The following TENM3 variants were observed in gnomAD, a reference collection of about 807,000 sequenced individuals.
TENM3 encodes the protein teneurin-3.
TENM3 carries 63 observed loss-of-function variants against 255.1 expected under a neutral mutation model. That is an observed-to-expected ratio of 0.25 (90% CI 0.20 to 0.30). The LOEUF is 0.30. Among genes scored for constraint, TENM3 ranks in the 10% least tolerant of loss-of-function variants. The pLI, the probability that TENM3 is intolerant of heterozygous loss-of-function variation, is 1.00. For synonymous variants in TENM3, 1,306 were observed against 1,322.3 expected (o/e 0.99, Z 0.27); for missense variants, 2,929 against 3,461.1 (o/e 0.85, Z 3.86).
At chr4:181,449,096 G>T in the TENM3 span, among the ~76,000 whole-genome samples, 22 of 152,036 alleles carry the variant, frequency 1.4e-4, no homozygotes, top group African/African-American at 4.1e-4. Context: ...CATTTTATAG[G>T]TATTACATAT....
chr4:182,172,134 G>A (rs912077187), intron 1 of TENM3, among the ~76,000 whole-genome samples: 2 of 151,714 alleles, frequency 1.3e-5, no homozygotes, highest in African/African-American at 2.4e-5. Context: ...AATGTCTGTC[G>A]TGTTGTACAT....
intron 3 of TENM3, among the ~76,000 whole-genome samples, chr4:182,470,117 A>G (rs748991503): frequency 6.6e-6 from 1 of 152,180 alleles, no homozygotes; most frequent in Non-Finnish European, 1.5e-5. Context: ...TATATGCTGT[A>G]GAAACTGGCT....
intron 12 of TENM3, among the ~76,000 whole-genome samples, chr4:182,711,383 A>C (rs973734212): frequency 6.6e-6 from 1 of 152,204 alleles, no homozygotes; most frequent in Admixed American, 6.5e-5. Flanking sequence ...ATTTGCTGGA[A>C]TCATGACTAC....
At chr4:181,771,723 T>C in the TENM3 span, among the ~76,000 whole-genome samples, 2 of 152,192 alleles carry the variant, frequency 1.3e-5, no homozygotes, top group African/African-American at 2.4e-5. Context: ...CAGATTCTGG[T>C]TAAGTAGTTT....
the TENM3 span, among the ~76,000 whole-genome samples, chr4:182,088,610 G>A: frequency 6.6e-6 from 1 of 151,972 alleles, no homozygotes; most frequent in Non-Finnish European, 1.5e-5. Context: ...CGAGGCGGGC[G>A]GATCACGAGG....
intron 3 of TENM3, among the ~76,000 whole-genome samples, chr4:182,559,709 C>T (rs992978647): frequency 5.3e-5 from 8 of 152,028 alleles, no homozygotes; most frequent in Admixed American, 3.3e-4. Context: ...ATTTCATTCA[C>T]AGTTTCTTTA....
At chr4:181,672,902 C>T in the TENM3 span, among the ~76,000 whole-genome samples, 1 of 152,170 alleles carries the variant, frequency 6.6e-6, no homozygotes, top group Non-Finnish European at 1.5e-5. Flanking sequence ...GGCTGGCACC[C>T]TAGCTGAGGA....
At chr4:182,106,866 G>A in the TENM3 span, among the ~76,000 whole-genome samples, 1 of 152,156 alleles carries the variant, frequency 6.6e-6, no homozygotes, top group Admixed American at 6.5e-5. Flanking sequence ...TCAGCTCATG[G>A]GACACCAAGG....
the TENM3 span, among the ~76,000 whole-genome samples, chr4:181,483,704 G>A: frequency 6.6e-6 from 1 of 152,020 alleles, no homozygotes; most frequent in African/African-American, 2.4e-5. Context: ...AAATGCCAGG[G>A]TAGGTAAATT....
intron 13 of TENM3, among the ~76,000 whole-genome samples, chr4:182,720,722 G>A (rs1316369188): frequency 6.6e-6 from 1 of 151,152 alleles, no homozygotes; most frequent in East Asian, 1.9e-4. Context: ...TTTAGAAGAA[G>A]AGGAAAATCA....
chr4:182,042,905 GTGTA>G, the TENM3 span, among the ~76,000 whole-genome samples: 1 of 146,340 alleles, frequency 6.8e-6, no homozygotes, highest in African/African-American at 2.6e-5. Context: ...GTGTGTGTGT[GTGTA>G]TGAAGCTGAC....
At chr4:182,351,959 CTTA>C (rs1765210600) in intron 3 of TENM3, among the ~76,000 whole-genome samples, 1 of 151,964 alleles carries the variant, frequency 6.6e-6, no homozygotes, top group South Asian at 2.1e-4. Flanking sequence ...AGTGTGTGCC[CTTA>C]TTATTATTTG....
chr4:181,832,016 G>A, the TENM3 span, among the ~76,000 whole-genome samples: 5 of 138,438 alleles, frequency 3.6e-5, no homozygotes, highest in African/African-American at 1.3e-4. Context: ...GTGTGTGTGT[G>A]TATAAAATGT....
chr4:181,860,846 A>T, the TENM3 span, among the ~76,000 whole-genome samples: 3 of 152,202 alleles, frequency 2.0e-5, no homozygotes, highest in Non-Finnish European at 2.9e-5. Flanking sequence ...TGCAGATCAC[A>T]TTATGTTTAT....
chr4:182,524,584 C>T (rs910833644), intron 3 of TENM3, among the ~76,000 whole-genome samples: 2 of 151,722 alleles, frequency 1.3e-5, no homozygotes, highest in African/African-American at 4.8e-5. Context: ...TGATCTCAAA[C>T]TCCTGGGCTC....
At chr4:181,586,923 TAAC>T in the TENM3 span, among the ~76,000 whole-genome samples, 1 of 152,156 alleles carries the variant, frequency 6.6e-6, no homozygotes, top group African/African-American at 2.4e-5. Flanking sequence ...AGAAATTTCT[TAAC>T]AAAGAATATT....
Position 182,753,606 on chromosome 4 carries a change from T to C in TENM3, c.4017+2T>C. The C allele has an allele frequency of 6.2e-7, 1 of 1,613,578 alleles. No homozygotes were observed. Among genetic ancestry groups the C allele is most frequent in the Non-Finnish European group, 8.5e-7 (1 of 1,179,750 alleles). On this transcript the variant is annotated splice_donor_variant, in intron 21 of 27. Coordinates refer to ENST00000511685, the MANE Select transcript of TENM3 (RefSeq NM_001080477.4). LOFTEE classifies it high-confidence loss of function. ...GACACCAGCATGCACATCAGCCAGG[T>C]AGTTAAATACTAAGCGGACTTGTTT...
At chr4:181,572,258 C>A in the TENM3 span, among the ~76,000 whole-genome samples, 6 of 152,078 alleles carry the variant, frequency 3.9e-5, no homozygotes, top group Admixed American at 1.3e-4. Context: ...TGAGAAGAAA[C>A]CTGTCAAGAT....
At chr4:182,638,951 G>T (rs1752070794) in intron 5 of TENM3, among the ~76,000 whole-genome samples, 4 of 152,182 alleles carry the variant, frequency 2.6e-5, no homozygotes, top group Non-Finnish European at 5.9e-5. Context: ...CATATAATTT[G>T]TAGAATATGG....
Sources: gnomAD v4.1 joint callset for allele counts (sites outside exome capture counted in the v4.1 genomes callset) on GRCh38, gnomAD v4.1.1 for gene constraint, MANE v1.5 for transcripts, NCBI Gene and HGNC (gene_info 2026-07-23, HGNC 2026-07-21) for gene names.